The following LIAS variants were observed in gnomAD, a reference collection of about 807,000 sequenced individuals.
LIAS encodes the protein lipoyl synthase, mitochondrial.
In LIAS, 36 loss-of-function variants were observed where a neutral mutation model predicts 49.4. That is an observed-to-expected ratio of 0.73 (90% confidence interval 0.56 to 0.96). LIAS has a LOEUF of 0.96. Ranked by LOEUF, LIAS falls within the 40% of genes least tolerant of loss-of-function variation. The pLI is 0.00. For missense variants in LIAS, 399 were observed against 456.3 expected, an observed-to-expected ratio of 0.87 and a Z score of 1.14; for synonymous variants, 145 against 155.8, an observed-to-expected ratio of 0.93 and a Z score of 0.52.
chr4:39,476,454 T>C (rs1258876333), intron 10 of LIAS: 1 of 152,326 alleles, frequency 6.6e-6, no homozygotes, highest in Non-Finnish European at 1.5e-5. Context: ...CAATAAGCAT[T>C]GAGTCATGCT....
rs551284873 is a variant in LIAS, at chr4:39,467,524, A to G, written c.615A>G (p.Pro205=). ...TTCTCTCTTTTCCCCTTAGGAATCC[A>G]AAAATCCTTGTGGAGTGTCTTACTC... ...KTVSYLKERN[P]KILVECLTPD... is the part of the protein sequence containing the mutation. The change falls in exon 7 of 11, where the codon CCA becomes CCG. Residue 205 remains proline, a synonymous_variant. Transcript: ENST00000640888. 2.8e-5 allele frequency: 45 copies of G among 1,588,322 alleles called. No individual in the cohort carries two copies. The South Asian group carries it at 5.0e-4, about 18-fold the overall frequency.
At chr4:39,467,353 T>A (rs1057152360) in intron 6 of LIAS, 165 bp from the exon 7 acceptor site, 27 of 493,736 alleles carry the variant, frequency 5.5e-5, no homozygotes, top group Non-Finnish European at 7.2e-5. Context: ...TTTTTTTTTT[T>A]AATAATGGTT....
intron 6 of LIAS, 139 bp downstream of exon 6, chr4:39,465,481 T>A: frequency 1.3e-6 from 1 of 747,194 alleles, no homozygotes; most frequent in Non-Finnish European, 2.1e-6. Context: ...GGAAATTATG[T>A]ACACATTTCT....
At chr4:39,459,307 C>T (rs1197474754) in intron 1 of LIAS, 145 bp downstream of exon 1, 9 of 684,876 alleles carry the variant, frequency 1.3e-5, no homozygotes, top group Non-Finnish European at 2.2e-5. Context: ...CGTGTAATCT[C>T]ATGTAATTAT....
chr4:39,471,006 C>T (rs529035840), intron 8 of LIAS, among the ~76,000 whole-genome samples: 2 of 152,174 alleles, frequency 1.3e-5, no homozygotes, highest in Admixed American at 1.3e-4. Context: ...AAGTATTTAT[C>T]CTTGTATGTA....
At position 39,459,060 on chromosome 4, in the gene LIAS, C is replaced by T. The variant is rs767927654; in HGVS notation, c.-58C>T. The stretch of plus-strand genomic sequence containing the variant: ...ATGGAGCGACGTAATTTCGACCTGT[C>T]CTTTCCCGGGAGTTAGCGATCCCTC... On this transcript the variant is annotated 5_prime_UTR_variant, in exon 1 of 11. Transcript: ENST00000640888. 6.9e-6 allele frequency: 11 copies of T among 1,591,720 alleles called. No homozygotes were observed. The highest frequency in any genetic ancestry group is 9.5e-6 in the Non-Finnish European group (11 of 1,159,766).
chr4:39,478,427 C>T lies in LIAS; in HGVS notation c.*1312C>T, dbSNP rs1408970472. ...GCTGAGGCACGAGAATTACTTGAGCCTGTGAAGCAGAGATTGCAGTGAGGC... is the reference window on the plus strand; with the variant it reads ...GCTGAGGCACGAGAATTACTTGAGCTTGTGAAGCAGAGATTGCAGTGAGGC... On this transcript the variant is annotated 3_prime_UTR_variant, in exon 11 of 11. Transcript: ENST00000640888. The T allele has an allele frequency of 1.3e-5, 2 of 152,082 alleles. No individual in the cohort carries two copies. The highest frequency in any genetic ancestry group is 4.8e-5 in the African/African-American group (2 of 41,404). 9.4% of individuals were successfully genotyped at this position (152,082 alleles called of 1,614,324 possible). A position where few individuals can be genotyped will look rare whatever the true frequency, so the allele number is the denominator to read the frequency against.
rs1578241714 is a variant in LIAS at position 39,470,026 on chromosome 4, C to T, written c.745C>T (p.Arg249Cys). ...ETVPELQSKV[R>C]DPRANFDQSL... ...AGTCCTGCTGTTTTCCAGTAAGGTTCGTGATCCTCGGGCCAATTTTGATCA... is the reference window on the plus strand; with the variant it reads ...AGTCCTGCTGTTTTCCAGTAAGGTTTGTGATCCTCGGGCCAATTTTGATCA... The change falls in exon 8 of 11, where the codon CGT becomes TGT. Residue 249 changes from arginine (R) to cysteine (C), a missense_variant. Arg to Cys is a radical substitution (Grantham distance 180, BLOSUM62 -3). Coordinates refer to ENST00000640888, the MANE Select transcript of LIAS (RefSeq NM_006859.4). 2 of 1,607,336 alleles carry T rather than the reference C, an allele frequency of 1.2e-6. No homozygotes were observed. The highest frequency in any genetic ancestry group is 1.1e-5 in the South Asian group (1 of 90,424).
chr4:39,471,517 ATTTTTTTT>A (rs766866733), intron 9 of LIAS, among the ~76,000 whole-genome samples: 4 of 74,324 alleles, frequency 5.4e-5, no homozygotes, highest in South Asian at 6.3e-4. Context: ...CATATATATA[ATTTTTTTT>A]TTTTTTTTTT....
chr4:39,472,127 AC>A (rs1420939161), intron 9 of LIAS, among the ~76,000 whole-genome samples: 178 of 62,686 alleles, frequency 2.8e-3, no homozygotes, highest in African/African-American at 9.6e-3. Flanking sequence ...ACACATATAC[AC>A]ACACACACAC....
Position 39,465,860 on chromosome 4 carries a change from T to C in LIAS, c.608+518T>C, listed in dbSNP as rs150302134. 8.4e-3 allele frequency among the ~76,000 whole-genome samples: 1,284 copies of C among 152,216 alleles called. 18 individuals are homozygous for C. The highest frequency in any genetic ancestry group is 0.03 in the African/African-American group (1,228 of 41,524). On this transcript the variant is annotated intron_variant, in intron 6 of 10. Transcript: ENST00000640888. ...TTTTAGTAGAGATAGGGTTTGACCATGTTGGCCAGGATGGTCTCAAACTCC... is the reference window on the plus strand; with the variant it reads ...TTTTAGTAGAGATAGGGTTTGACCACGTTGGCCAGGATGGTCTCAAACTCC...
At chr4:39,461,221 A>C (rs1350911320) in intron 2 of LIAS, among the ~76,000 whole-genome samples, 2 of 152,238 alleles carry the variant, frequency 1.3e-5, no homozygotes. Context: ...CTTCAGAGTA[A>C]AGATTACTGC....
rs368786581 is a variant in LIAS, at chr4:39,459,137, A to G, written c.20A>G (p.Asp7Gly). 4 of 1,613,872 alleles carry G rather than the reference A, an allele frequency of 2.5e-6. No individual in the cohort carries two copies. Among genetic ancestry groups the G allele is most frequent in the East Asian group, 2.2e-5 (1 of 44,870 alleles). The part of the protein sequence containing the change: MSLRCG[D>G]AARTLGPRVF... The stretch of plus-strand genomic sequence containing the variant: ...GAGGAAATGTCTCTACGCTGCGGGG[A>G]TGCAGCCCGCACCCTGGGGCCCCGG... The change falls in exon 1 of 11, where the codon GAT becomes GGT. Residue 7 changes from aspartate to glycine, a missense_variant. Physicochemically the swap from Asp to Gly is moderately conservative, Grantham distance 94. This residue lies in a region of LIAS where 159 missense variants were observed against 147.6 expected (regional missense o/e 1.08). Transcript: ENST00000640888.
At chr4:39,461,055 C>G in intron 2 of LIAS, 93 bp downstream of exon 2, 1 of 1,050,462 alleles carries the variant, frequency 9.5e-7, no homozygotes, top group Non-Finnish European at 1.3e-6. Flanking sequence ...TTTTTAATAT[C>G]AGACTTGTTA....
chr4:39,471,910 C>T (rs1157560006), intron 9 of LIAS, among the ~76,000 whole-genome samples: 1 of 151,918 alleles, frequency 6.6e-6, no homozygotes, highest in Non-Finnish European at 1.5e-5. Flanking sequence ...GTGATCCACC[C>T]GCCTCAGCCT....
At position 39,477,537 on chromosome 4, in the gene LIAS, TA is replaced by T; in HGVS notation, c.*427del. 6.4e-6 allele frequency: 1 copy of T among 155,654 alleles called. No individual in the cohort carries two copies. The highest frequency in any genetic ancestry group is 2.0e-4 in the South Asian group (1 of 5,072). 9.6% of individuals were successfully genotyped at this position (155,654 alleles called of 1,614,324 possible). A position where few individuals can be genotyped will look rare whatever the true frequency, so the allele number is the denominator to read the frequency against. ...AGAGCAAAACTCCATCTCAAATAAA[TA>T]AAAAGGAAAAAAAAGTCAATAAACT... On this transcript the variant is annotated 3_prime_UTR_variant, in exon 11 of 11. Transcript: ENST00000640888.
chr4:39,463,216 G>C (rs1026827931), intron 3 of LIAS, among the ~76,000 whole-genome samples: 2 of 151,552 alleles, frequency 1.3e-5, no homozygotes, highest in African/African-American at 4.9e-5. Context: ...CTTCTGAGTA[G>C]CTGGGAGTAT....
intron 1 of LIAS, among the ~76,000 whole-genome samples, chr4:39,459,635 T>C (rs1457152781): frequency 1.3e-5 from 2 of 152,172 alleles, no homozygotes; most frequent in African/African-American, 4.8e-5. Flanking sequence ...GACTCGTGGA[T>C]TTTGTAGTGT....
At chr4:39,472,126 C>T (rs7436591) in intron 9 of LIAS, among the ~76,000 whole-genome samples, 43 of 61,818 alleles carry the variant, frequency 7.0e-4, no homozygotes, top group African/African-American at 2.5e-3. Context: ...CACACATATA[C>T]ACACACACAC....
Sources: gnomAD v4.1 joint callset for allele counts (sites outside exome capture counted in the v4.1 genomes callset) on GRCh38, gnomAD v4.1.1 for gene constraint, gnomAD v4.1.1 regional missense constraint, MANE v1.5 for transcripts, NCBI Gene and HGNC (gene_info 2026-07-23, HGNC 2026-07-21) for gene names.